Variants in GOLGA6C observed in about 807,000 individuals in gnomAD.
GOLGA6C encodes the protein golgin A6 family member C.
Under a neutral mutation model 57.5 loss-of-function variants are expected in GOLGA6C, and 3 were observed. That is an observed-to-expected ratio of 0.05 (90% confidence interval 0.02 to 0.13). The LOEUF (loss-of-function observed/expected upper bound fraction) is 0.13, where lower values mean the gene tolerates loss of function less well. GOLGA6C is among the 10% of genes least tolerant of loss of function. The pLI is 1.00. For synonymous variants in GOLGA6C, 32 were observed against 203.8 expected (o/e 0.16, Z 7.18); for missense variants, 88 against 525.6 (o/e 0.17, Z 8.14).
At chr15:75,259,108 G>A (rs1393991938) in intron 1 of GOLGA6C, among the ~76,000 whole-genome samples, 1 of 152,058 alleles carries the variant, frequency 6.6e-6, no homozygotes, top group Non-Finnish European at 1.5e-5. Context: ...CTCCCCTCCT[G>A]CTGACCCAAG....
rs1810406 is a variant in GOLGA6C, at chr15:75,265,031, A to T, written c.565-91A>T. 3 of 1,475,820 alleles carry T rather than the reference A, an allele frequency of 2.0e-6. No homozygotes were observed. The Admixed American group carries it at 5.5e-5, about 27-fold the overall frequency. The allele number at this position is 1,475,820 out of a possible 1,614,324, so 91.4% of individuals were successfully genotyped here. ...GCTTGGAAATGCCTTGACCTTTACTAACCGAGTTGTATATTGAGCCTAGCC... is the reference window on the plus strand; with the variant it reads ...GCTTGGAAATGCCTTGACCTTTACTTACCGAGTTGTATATTGAGCCTAGCC... On this transcript the variant is annotated intron_variant, in intron 7 of 17. Transcript: ENST00000300576.
At position 75,272,605 on chromosome 15, in the gene GOLGA6C, C is replaced by T. The variant is rs1202558874; in HGVS notation, c.*2406C>T. Reference sequence around the variant, plus strand: ...ACCAATCTGACAATAATGTGTTCATCAGGTACCTGTGGATTAAATCACACA... The same window carrying T: ...ACCAATCTGACAATAATGTGTTCATTAGGTACCTGTGGATTAAATCACACA... On this transcript the variant is annotated 3_prime_UTR_variant, in exon 18 of 18. Transcript: ENST00000300576. Among the ~76,000 whole-genome samples, 1 of 152,246 alleles carries T rather than the reference C, an allele frequency of 6.6e-6. No individual in the cohort carries two copies. Among genetic ancestry groups the T allele is most frequent in the Non-Finnish European group, 1.5e-5 (1 of 68,056 alleles).
At chr15:75,270,051 C>T in intron 17 of GOLGA6C, 21 bp from the exon 18 acceptor site, 1 of 1,603,044 alleles carries the variant, frequency 6.2e-7, no homozygotes, top group Middle Eastern at 2.0e-4. Flanking sequence ...TGCTCAGACC[C>T]CCGCCTCCCT....
intron 1 of GOLGA6C, among the ~76,000 whole-genome samples, chr15:75,259,163 G>GGTCCCAGCCCCAC (rs1453548128): frequency 6.6e-6 from 1 of 152,030 alleles, no homozygotes; most frequent in African/African-American, 2.4e-5. Flanking sequence ...CAAGGACCTG[G>GGTCCCAGCCCCAC]GTCCCAGCCC....
Position 75,272,801 on chromosome 15 carries a change from C to T in GOLGA6C, c.*2602C>T, listed in dbSNP as rs527911999. Reference sequence around the variant, plus strand: ...AAAGTGCATGTGGTCCTTTGCAATACCTCATTCAGCCAAGTATTTGTTCTC... The same window carrying T: ...AAAGTGCATGTGGTCCTTTGCAATATCTCATTCAGCCAAGTATTTGTTCTC... On this transcript the variant is annotated 3_prime_UTR_variant, in exon 18 of 18. Transcript: ENST00000300576. Among the ~76,000 whole-genome samples the T allele has an allele frequency of 1.9e-3, 287 of 151,170 alleles. No homozygotes were observed. The highest frequency in any genetic ancestry group is 4.1e-3 in the Admixed American group (62 of 15,164).
At position 75,270,068 on chromosome 15, in the gene GOLGA6C, G is replaced by A. The variant is rs368756943; in HGVS notation, c.1955-4G>A. 185,943 of 1,265,302 alleles carry A rather than the reference G, an allele frequency of 0.15. 1,578 individuals carry two copies. The highest frequency in any genetic ancestry group is 0.17 in the Non-Finnish European group (153,804 of 908,682). 78.4% of individuals were successfully genotyped at this position (1,265,302 alleles called of 1,614,324 possible). A position where few individuals can be genotyped will look rare whatever the true frequency, so the allele number is the denominator to read the frequency against. On this transcript the variant is annotated splice_polypyrimidine_tract_variant and splice_region_variant and intron_variant, in intron 17 of 17. Transcript: ENST00000300576. ...CTCAGACCCCCGCCTCCCTCTCTCC[G>A]AAGATTTTTATGAAGTGAGCCTGGA... is the stretch of plus-strand genomic sequence containing the variant.
chr15:75,270,089 C>G lies in GOLGA6C; in HGVS notation c.1972C>G (p.Leu658Val), dbSNP rs1229040151. ...GEQDDFYEVS[L>V]DNNVEPAPGA... is the part of the protein sequence containing the mutation. ...CTCCGAAGATTTTTATGAAGTGAGC[C>G]TGGACAACAACGTGGAGCCTGCACC... Residue 658 changes from leucine to valine, a missense_variant, in exon 18 of 18, where the codon CTG (leucine) becomes GTG (valine). Coordinates refer to ENST00000300576, the MANE Select transcript of GOLGA6C (RefSeq NM_001164404.2). The G allele has an allele frequency of 6.2e-7, 1 of 1,603,880 alleles. No individual in the cohort carries two copies. Among genetic ancestry groups the G allele is most frequent in the Non-Finnish European group, 8.5e-7 (1 of 1,176,844 alleles).
chr15:75,259,098 C>T (rs2070722337), intron 1 of GOLGA6C, among the ~76,000 whole-genome samples: 1 of 151,968 alleles, frequency 6.6e-6, no homozygotes. Flanking sequence ...AGACTCTGCT[C>T]TCCCCTCCTG....
At position 75,270,278 on chromosome 15, in the gene GOLGA6C, A is replaced by G. The variant is rs546089585; in HGVS notation, c.*79A>G. 16 of 1,547,430 alleles carry G rather than the reference A, an allele frequency of 1.0e-5. 1 individual carries two copies. Among genetic ancestry groups the G allele is most frequent in the Non-Finnish European group, 1.3e-5 (15 of 1,149,368 alleles). ...CGAGAACAGGGAGATAAACATCATCATCTTCTAAGAGCTGGTCAAGAAATT... is the reference window on the plus strand; with the variant it reads ...CGAGAACAGGGAGATAAACATCATCGTCTTCTAAGAGCTGGTCAAGAAATT... On this transcript the variant is annotated 3_prime_UTR_variant, in exon 18 of 18. Transcript: ENST00000300576.
At chr15:75,265,021 G>A in intron 7 of GOLGA6C, 101 bp from the exon 8 acceptor site, 2 of 1,393,582 alleles carry the variant, frequency 1.4e-6, no homozygotes, top group Non-Finnish European at 2.0e-6. Flanking sequence ...GAAATGCCTT[G>A]ACCTTTACTA....
chr15:75,272,894 C>T lies in GOLGA6C; in HGVS notation c.*2695C>T, dbSNP rs1173469373. ...CAACATTAGAAGGGTAGAGTTTAAT[C>T]AGAAACATAGAATTTTAAAGTGTGG... On this transcript the variant is annotated 3_prime_UTR_variant, in exon 18 of 18. Coordinates refer to ENST00000300576, the MANE Select transcript of GOLGA6C (RefSeq NM_001164404.2). 6.6e-6 allele frequency among the ~76,000 whole-genome samples: 1 copy of T among 152,026 alleles called. No homozygotes were observed. The highest frequency in any genetic ancestry group is 6.5e-5 in the Admixed American group (1 of 15,278).
chr15:75,258,893 C>A (rs1180490898), intron 1 of GOLGA6C, among the ~76,000 whole-genome samples: 1 of 151,148 alleles, frequency 6.6e-6, no homozygotes, highest in African/African-American at 2.5e-5. Context: ...AATCACCCTG[C>A]GGTGACTTTG....
chr15:75,261,775 G>A lies in GOLGA6C; in HGVS notation c.205-637G>A, dbSNP rs2070737282. On this transcript the variant is annotated intron_variant, in intron 2 of 17. Coordinates refer to ENST00000300576, the MANE Select transcript of GOLGA6C (RefSeq NM_001164404.2). ...GCCTAAAAGTTTAAAAGTAATCTGG[G>A]AATAACGTACAGAGCAGGCATGTGG... is the stretch of plus-strand genomic sequence containing the variant. Among the ~76,000 whole-genome samples the A allele has an allele frequency of 5.8e-5, 3 of 51,660 alleles. 1 individual carries two copies. The South Asian group carries it at 2.5e-3, about 42-fold the overall frequency. 33.9% of individuals were successfully genotyped at this position (51,660 alleles called of 152,430 possible).
chr15:75,259,183 C>T (rs530958609), intron 1 of GOLGA6C, among the ~76,000 whole-genome samples: 27 of 151,990 alleles, frequency 1.8e-4, no homozygotes, highest in Admixed American at 1.8e-3. Context: ...CCACGTCCCC[C>T]CTCCCCCATC....
At chr15:75,258,769 T>C in intron 1 of GOLGA6C, 87 bp downstream of exon 1, 2 of 620,486 alleles carry the variant, frequency 3.2e-6, no homozygotes, top group Non-Finnish European at 5.8e-6. Context: ...TCCATACCAC[T>C]CCTGAGGCAC....
rs375458901 is a variant in GOLGA6C, at chr15:75,260,406, A to G, written c.118A>G (p.Ile40Val). Residue 40 changes from isoleucine (I) to valine (V), a missense_variant, in exon 2 of 18, where the codon ATT becomes GTT. Physicochemically the swap from Ile to Val is conservative, Grantham distance 29. Coordinates refer to ENST00000300576, the MANE Select transcript of GOLGA6C (RefSeq NM_001164404.2). ...KEYQQRKSPGIPAGAKTKKKK... is the reference protein window; with the variant it reads ...KEYQQRKSPGVPAGAKTKKKK... ...ATATCAGCAAAGGAAGAGCCCTGGT[A>G]TTCCAGCAGGAGCAAAGACAAAAAA... 32 of 1,592,836 alleles carry G rather than the reference A, an allele frequency of 2.0e-5. 1 individual carries two copies. Among genetic ancestry groups the G allele is most frequent in the Middle Eastern group, 2.3e-4 (1 of 4,444 alleles).
chr15:75,270,143 G>A lies in GOLGA6C; in HGVS notation c.2026G>A (p.Asp676Asn), dbSNP rs759718533. The change falls in exon 18 of 18, where the codon GAC (aspartate) becomes AAC (asparagine). Residue 676 changes from aspartate to asparagine, a missense_variant. Asp to Asn is a conservative substitution (Grantham distance 23, BLOSUM62 1). Transcript: ENST00000300576. ...AGCGGCCAGGGAGGGTTCTCCCCAT[G>A]ACAACCCCCCGGTACAGCAGATCGT... ...PGAAREGSPH[D>N]NPPVQQIVQL... 474 of 1,590,084 alleles carry A rather than the reference G, an allele frequency of 3.0e-4. 29 individuals carry two copies. In the Middle Eastern group the frequency reaches 3.8e-3, roughly 13 times the overall value.
rs767607158 is a variant in GOLGA6C at position 75,270,058 on chromosome 15, C to T, written c.1955-14C>T. 8.7e-6 allele frequency: 14 copies of T among 1,603,626 alleles called. No individual in the cohort carries two copies. In the South Asian group the frequency reaches 1.6e-4, roughly 18 times the overall value. On this transcript the variant is annotated splice_polypyrimidine_tract_variant and intron_variant, in intron 17 of 17. Coordinates refer to ENST00000300576, the MANE Select transcript of GOLGA6C (RefSeq NM_001164404.2). ...TCGCACTGTGCTCAGACCCCCGCCT[C>T]CCTCTCTCCGAAGATTTTTATGAAG...
intron 2 of GOLGA6C, among the ~76,000 whole-genome samples, chr15:75,261,720 C>T (rs1297920760): frequency 0.013 from 582 of 45,790 alleles, 59 homozygotes; most frequent in African/African-American, 0.03. Context: ...TTTCCTTCCC[C>T]GCGTCTTTTA....
Sources: gnomAD v4.1 joint callset for allele counts (sites outside exome capture counted in the v4.1 genomes callset) on GRCh38, gnomAD v4.1.1 for gene constraint, MANE v1.5 for transcripts, NCBI Gene and HGNC (gene_info 2026-07-23, HGNC 2026-07-21) for gene names.